Variants in TMEM132C observed in about 807,000 individuals in gnomAD.
The protein encoded by TMEM132C is protein phosphatase 1, regulatory subunit 152.
In TMEM132C, 29 loss-of-function variants were observed where a neutral mutation model predicts 61.4. The ratio of observed to expected loss-of-function variants is 0.47; its 90% CI spans 0.35 to 0.64. The LOEUF (loss-of-function observed/expected upper bound fraction) is 0.64, where lower values mean the gene tolerates loss of function less well. TMEM132C is among the 30% of genes least tolerant of loss of function. The probability of loss-of-function intolerance (pLI) is 0.00; values close to 1 mark genes in which losing one functional copy is unlikely to be tolerated. For synonymous variants in TMEM132C, 656 were observed against 633.1 expected (o/e 1.04, Z -0.54); for missense variants, 1,408 against 1,476.9 (o/e 0.95, Z 0.76).
chr12:128,615,025 C>T (rs1876752858), intron 3 of TMEM132C, among the ~76,000 whole-genome samples: 1 of 152,226 alleles, frequency 6.6e-6, no homozygotes, highest in Admixed American at 6.5e-5. Context: ...CAGAAAACCC[C>T]AACTGCCTTC....
chr12:128,526,982 C>T (rs905360722), intron 2 of TMEM132C, among the ~76,000 whole-genome samples: 3 of 152,122 alleles, frequency 2.0e-5, no homozygotes, highest in African/African-American at 7.2e-5. Flanking sequence ...GAGCTGTGAG[C>T]CCAGGCAGGT....
chr12:128,616,112 A>G, intron 3 of TMEM132C, 40 bp from the exon 4 acceptor site: 1 of 1,541,390 alleles, frequency 6.5e-7, no homozygotes, highest in Non-Finnish European at 8.8e-7. Flanking sequence ...GGTCCTTTGA[A>G]CAAAGTTGGC....
At chr12:128,310,743 G>A (rs115612744) in intron 1 of TMEM132C, among the ~76,000 whole-genome samples, 1,827 of 152,284 alleles carry the variant, frequency 0.012, 42 homozygotes, top group African/African-American at 0.042. Flanking sequence ...ATATCTACCA[G>A]TGGGGATGGA....
rs1374914297 is a variant in TMEM132C, at chr12:128,415,309, G to C, written c.663G>C (p.Pro221=). The part of the protein sequence containing the change: ...GAGRKKSMDQ[P]EGTPVELYYT... ...GGAGGAAGAAGTCCATGGACCAGCC[G>C]GAGGGGACCCCTGTGGAGCTCTACT... is the stretch of plus-strand genomic sequence containing the variant. Residue 221 remains proline, a synonymous_variant, in exon 2 of 9, where the codon CCG becomes CCC. Coordinates refer to ENST00000435159, the MANE Select transcript of TMEM132C (RefSeq NM_001136103.3). The surrounding 1 kb of genome is among the most constrained non-coding windows in gnomAD (Gnocchi z 5.8). The C allele has an allele frequency of 6.3e-7, 1 of 1,593,774 alleles. No homozygotes were observed. Among genetic ancestry groups the C allele is most frequent in the Non-Finnish European group, 8.5e-7 (1 of 1,169,610 alleles).
chr12:128,381,331 C>A (rs1043985989), intron 1 of TMEM132C, among the ~76,000 whole-genome samples: 1 of 152,162 alleles, frequency 6.6e-6, no homozygotes, highest in South Asian at 2.1e-4. Context: ...GTGAATCCAT[C>A]TGGTGGAGCA....
At chr12:128,576,185 G>A (rs1875085270) in intron 3 of TMEM132C, among the ~76,000 whole-genome samples, 1 of 151,894 alleles carries the variant, frequency 6.6e-6, no homozygotes, top group Admixed American at 6.6e-5. Flanking sequence ...AACCAGAAGG[G>A]GGAGTTTGCA....
At chr12:128,474,825 G>GTA (rs1324924025) in intron 2 of TMEM132C, among the ~76,000 whole-genome samples, 12 of 152,264 alleles carry the variant, frequency 7.9e-5, no homozygotes, top group African/African-American at 2.4e-4. Context: ...GTACCACATA[G>GTA]TATGTCTCAG....
chr12:128,697,290 T>C lies in TMEM132C; in HGVS notation c.1996T>C (p.Ser666Pro). 1 of 1,550,246 alleles carries C rather than the reference T, an allele frequency of 6.5e-7. No homozygotes were observed. Among genetic ancestry groups the C allele is most frequent in the East Asian group, 2.4e-5 (1 of 40,866 alleles). The change falls in exon 8 of 9, where the codon TCG becomes CCG. Residue 666 changes from serine (S) to proline (P), a missense_variant. Coordinates refer to ENST00000435159, the MANE Select transcript of TMEM132C (RefSeq NM_001136103.3). ...AATAACCGTGCTAGATGACAAAGTATCGGTGACAGACTTGGCCATCCAGCT... is the reference window on the plus strand; with the variant it reads ...AATAACCGTGCTAGATGACAAAGTACCGGTGACAGACTTGGCCATCCAGCT... Reference protein sequence around the residue: ...KTITVLDDKVSVTDLAIQLVA... With the variant: ...KTITVLDDKVPVTDLAIQLVA...
chr12:128,406,616 A>G (rs1473259218), intron 1 of TMEM132C, among the ~76,000 whole-genome samples: 1 of 152,218 alleles, frequency 6.6e-6, no homozygotes, highest in African/African-American at 2.4e-5. Context: ...AGGAGTGGCC[A>G]TGTGTGAGAC....
intron 5 of TMEM132C, among the ~76,000 whole-genome samples, chr12:128,675,001 A>G (rs1954569760): frequency 6.6e-6 from 1 of 151,906 alleles, no homozygotes; most frequent in African/African-American, 2.4e-5. Flanking sequence ...TAGATGGGAC[A>G]GTACCCAATG....
At chr12:128,669,650 A>G (rs370624345) in intron 5 of TMEM132C, 90 bp downstream of exon 5, 3 of 1,453,274 alleles carry the variant, frequency 2.1e-6, no homozygotes, top group African/African-American at 2.8e-5. Flanking sequence ...GAAATACATG[A>G]CGTTCAACTA....
chr12:128,309,236 A>T (rs1297081571), intron 1 of TMEM132C, among the ~76,000 whole-genome samples: 3 of 152,180 alleles, frequency 2.0e-5, no homozygotes, highest in Non-Finnish European at 4.4e-5. Flanking sequence ...AAGCAGAAAG[A>T]TTTAAATCTT....
At chr12:128,604,412 GA>G in intron 3 of TMEM132C, among the ~76,000 whole-genome samples, 1 of 119,202 alleles carries the variant, frequency 8.4e-6, no homozygotes. Flanking sequence ...ATGGAAGATA[GA>G]TAGATAGATA....
intron 4 of TMEM132C, among the ~76,000 whole-genome samples, chr12:128,647,338 G>A (rs531991101): frequency 1.7e-4 from 25 of 150,700 alleles, no homozygotes; most frequent in African/African-American, 4.2e-4. Flanking sequence ...GTCCATCAGC[G>A]TTGGATGTGA....
chr12:128,340,289 A>C (rs1872914582), intron 1 of TMEM132C, among the ~76,000 whole-genome samples: 1 of 152,216 alleles, frequency 6.6e-6, no homozygotes, highest in African/African-American at 2.4e-5. Context: ...CTCTAGGTTC[A>C]AAAAGTCTTC....
intron 1 of TMEM132C, among the ~76,000 whole-genome samples, chr12:128,364,210 T>TTC (rs111829348): frequency 0.05 from 7,584 of 150,748 alleles, 649 homozygotes; most frequent in African/African-American, 0.18. Context: ...AAACATCAGA[T>TTC]TCTCTCTCTC....
chr12:128,394,099 G>T (rs1382600211), intron 1 of TMEM132C, among the ~76,000 whole-genome samples: 1 of 152,174 alleles, frequency 6.6e-6, no homozygotes, highest in Non-Finnish European at 1.5e-5. Context: ...GTGGGGGAAG[G>T]TGAAAGGCGT....
chr12:128,543,946 C>T lies in TMEM132C; in HGVS notation c.975-11C>T. The stretch of plus-strand genomic sequence containing the variant: ...CCTGTCTCTCTCTCTCTCCCATCTT[C>T]ATCCCCACAGAGCCAAGGTGAAGAA... On this transcript the variant is annotated splice_polypyrimidine_tract_variant and intron_variant, in intron 2 of 8. Coordinates refer to ENST00000435159, the MANE Select transcript of TMEM132C (RefSeq NM_001136103.3). 1.3e-6 allele frequency: 2 copies of T among 1,543,072 alleles called. No individual in the cohort carries two copies. Among genetic ancestry groups the T allele is most frequent in the Non-Finnish European group, 8.7e-7 (1 of 1,143,352 alleles).
intron 4 of TMEM132C, among the ~76,000 whole-genome samples, chr12:128,665,994 C>T (rs1954465234): frequency 2.0e-5 from 3 of 147,232 alleles, no homozygotes; most frequent in African/African-American, 7.7e-5. Context: ...CACACAGGCA[C>T]TCACACACAG....
Sources: allele counts gnomAD v4.1 joint callset (sites outside exome capture counted in the v4.1 genomes callset), GRCh38; gene constraint gnomAD v4.1.1; non-coding constraint Gnocchi (gnomAD v3.1); transcripts MANE v1.5; gene names NCBI Gene and HGNC (gene_info 2026-07-23, HGNC 2026-07-21).